The following GALNT13 variants were observed in gnomAD, a reference collection of about 807,000 sequenced individuals.
GALNT13 encodes UDP-GalNAc:polypeptide N-acetylgalactosaminyltransferase 13.
GALNT13 carries 28 observed loss-of-function variants against 64.2 expected under a neutral mutation model. The ratio of observed to expected loss-of-function variants is 0.44; its 90% CI spans 0.32 to 0.60. The LOEUF (loss-of-function observed/expected upper bound fraction) is 0.60. Ranked by LOEUF, GALNT13 falls within the 20% of genes least tolerant of loss-of-function variation. The probability of loss-of-function intolerance (pLI) is 0.05; values close to 1 mark genes in which losing one functional copy is unlikely to be tolerated. For synonymous variants in GALNT13, 214 were observed against 224.6 expected (o/e 0.95, Z 0.42); for missense variants, 577 against 669.8 (o/e 0.86, Z 1.53).
chr2:153,748,618 T>G, the GALNT13 span, among the ~76,000 whole-genome samples: 1 of 152,148 alleles, frequency 6.6e-6, no homozygotes, highest in Non-Finnish European at 1.5e-5. Flanking sequence ...TTGTATTGGA[T>G]TATTAGATTT....
intron 7 of GALNT13, among the ~76,000 whole-genome samples, chr2:154,258,431 T>C (rs1458608655): frequency 1.3e-5 from 2 of 152,114 alleles, no homozygotes; most frequent in Non-Finnish European, 2.9e-5. Context: ...AATTAGATGA[T>C]TAATTCTATC....
At chr2:154,330,979 G>A (rs1574099944) in intron 9 of GALNT13, among the ~76,000 whole-genome samples, 1 of 152,024 alleles carries the variant, frequency 6.6e-6, no homozygotes, top group African/African-American at 2.4e-5. Flanking sequence ...AGAGTGATAA[G>A]GACAAAAGAT....
chr2:153,647,954 T>G, the GALNT13 span, among the ~76,000 whole-genome samples: 2 of 152,212 alleles, frequency 1.3e-5, no homozygotes, highest in African/African-American at 2.4e-5. Flanking sequence ...TGTGGGCTCT[T>G]TTTTGGTTCC....
At chr2:154,008,017 TAGTA>T (rs538495124) in intron 3 of GALNT13, among the ~76,000 whole-genome samples, 246 of 150,506 alleles carry the variant, frequency 1.6e-3, no homozygotes, top group Non-Finnish European at 2.6e-3. Context: ...TATCAAATTT[TAGTA>T]TCTGGATGTT....
chr2:153,908,237 G>A (rs1688713723), intron 2 of GALNT13, among the ~76,000 whole-genome samples: 1 of 151,978 alleles, frequency 6.6e-6, no homozygotes, highest in African/African-American at 2.4e-5. Flanking sequence ...ACTGTTTAAT[G>A]GGGTTGTTTA....
chr2:154,368,995 C>CGAG (rs1415029305), intron 9 of GALNT13, among the ~76,000 whole-genome samples: 4 of 48,998 alleles, frequency 8.2e-5, no homozygotes, highest in Non-Finnish European at 1.8e-4. Flanking sequence ...AAGAAGACAC[C>CGAG]GAGTTGTTGT....
the GALNT13 span, chr2:153,761,431 G>C: frequency 6.6e-6 from 1 of 152,324 alleles, no homozygotes; most frequent in African/African-American, 2.4e-5. Context: ...CCAGGAGTGA[G>C]TGTTACTCAC....
the GALNT13 span, among the ~76,000 whole-genome samples, chr2:153,570,237 A>T: frequency 6.6e-6 from 1 of 151,920 alleles, no homozygotes; most frequent in Non-Finnish European, 1.5e-5. Context: ...TGCCATTTGG[A>T]TGTCTTCTTC....
At chr2:153,816,627 TTACA>T in the GALNT13 span, among the ~76,000 whole-genome samples, 1 of 122,886 alleles carries the variant, frequency 8.1e-6, no homozygotes, top group African/African-American at 2.8e-5. Context: ...GATAGATATA[TTACA>T]TAGATAGATA....
chr2:153,858,441 A>G, the GALNT13 span, among the ~76,000 whole-genome samples: 3 of 152,226 alleles, frequency 2.0e-5, no homozygotes, highest in Admixed American at 2.0e-4. Context: ...GGAGAGAAAC[A>G]GAAGGTGATT....
At chr2:154,160,374 C>T (rs1371318090) in intron 4 of GALNT13, among the ~76,000 whole-genome samples, 1 of 152,176 alleles carries the variant, frequency 6.6e-6, no homozygotes. Context: ...TTCTGAGGCT[C>T]TCTTACCTTA....
intron 2 of GALNT13, among the ~76,000 whole-genome samples, chr2:153,904,391 G>A (rs139554390): frequency 6.6e-6 from 1 of 151,902 alleles, no homozygotes; most frequent in East Asian, 1.9e-4. Flanking sequence ...TTCAACTTTA[G>A]TAGATACTAC....
intron 4 of GALNT13, among the ~76,000 whole-genome samples, chr2:154,158,431 T>A (rs1303835843): frequency 6.6e-6 from 1 of 152,190 alleles, no homozygotes; most frequent in African/African-American, 2.4e-5. Flanking sequence ...CTGCTTATAT[T>A]TTTACCTGAA....
At chr2:154,355,702 A>G (rs1382014258) in intron 9 of GALNT13, among the ~76,000 whole-genome samples, 2 of 152,088 alleles carry the variant, frequency 1.3e-5, no homozygotes, top group African/African-American at 4.8e-5. Context: ...TCCACAAGAC[A>G]ATTTTTAGTT....
At chr2:153,235,719 A>G in the GALNT13 span, among the ~76,000 whole-genome samples, 1 of 152,060 alleles carries the variant, frequency 6.6e-6, no homozygotes, top group African/African-American at 2.4e-5. Flanking sequence ...TGGTTTGTGC[A>G]CTGTCAGGTG....
At chr2:153,859,054 G>T in the GALNT13 span, among the ~76,000 whole-genome samples, 8 of 152,046 alleles carry the variant, frequency 5.3e-5, no homozygotes, top group Admixed American at 5.2e-4. Context: ...TTTTTATATG[G>T]CATAAGGTTA....
the GALNT13 span, among the ~76,000 whole-genome samples, chr2:153,559,960 C>T: frequency 2.6e-5 from 4 of 152,048 alleles, no homozygotes; most frequent in African/African-American, 9.7e-5. Context: ...TTATTTCTTA[C>T]AGGTTGTACT....
At chr2:153,124,562 G>A in the GALNT13 span, among the ~76,000 whole-genome samples, 3 of 152,176 alleles carry the variant, frequency 2.0e-5, no homozygotes, top group Non-Finnish European at 4.4e-5. Context: ...CTGGAGTGCA[G>A]TGGCGCAATC....
At chr2:153,406,379 G>C in the GALNT13 span, among the ~76,000 whole-genome samples, 3,940 of 152,060 alleles carry the variant, frequency 0.026, 152 homozygotes, top group African/African-American at 0.088. Context: ...TCTTAAGAGA[G>C]ATTTTACAAT....
Sources: allele counts gnomAD v4.1 joint callset (sites outside exome capture counted in the v4.1 genomes callset), GRCh38; gene constraint gnomAD v4.1.1; transcripts MANE v1.5; gene names NCBI Gene and HGNC (gene_info 2026-07-23, HGNC 2026-07-21).